The following ADAMTSL1 variants were observed in gnomAD, a reference collection of about 807,000 sequenced individuals.
ADAMTSL1 encodes the protein ADAMTS like 1, also known as ADAMTS-like protein 1.
A neutral mutation model predicts 201.8 loss-of-function variants in ADAMTSL1; 126 were observed. The ratio of observed to expected loss-of-function variants is 0.62; its 90% CI spans 0.54 to 0.72. ADAMTSL1 has a LOEUF of 0.72. Ranked by LOEUF, ADAMTSL1 falls within the 30% of genes least tolerant of loss-of-function variation. The pLI is 0.00. For synonymous variants in ADAMTSL1, 1,121 were observed against 903.4 expected (o/e 1.24, Z -4.32); for missense variants, 2,679 against 2,277.8 (o/e 1.18, Z -3.59).
chr9:18,278,805 A>C (rs997678307), intron 2 of ADAMTSL1, among the ~76,000 whole-genome samples: 1 of 151,986 alleles, frequency 6.6e-6, no homozygotes, highest in African/African-American at 2.4e-5. Context: ...TGACTTGCTT[A>C]GTGGTGTCTC....
intron 1 of ADAMTSL1, among the ~76,000 whole-genome samples, chr9:17,938,448 C>A (rs1352413093): frequency 6.6e-6 from 1 of 152,124 alleles, no homozygotes; most frequent in African/African-American, 2.4e-5. Context: ...ACTGTCCATC[C>A]TCATGCCAAG....
chr9:18,382,830 TC>T (rs751750064), intron 2 of ADAMTSL1, among the ~76,000 whole-genome samples: 1 of 152,270 alleles, frequency 6.6e-6, no homozygotes, highest in Middle Eastern at 3.4e-3. Context: ...TGAACAATGC[TC>T]ATTATAACAC....
At chr9:18,383,264 TC>T (rs1192504939) in intron 2 of ADAMTSL1, among the ~76,000 whole-genome samples, 1 of 152,194 alleles carries the variant, frequency 6.6e-6, no homozygotes, top group African/African-American at 2.4e-5. Flanking sequence ...CCCTGACTCT[TC>T]AGGGAGTTTT....
At chr9:18,302,191 T>C (rs1413752233) in intron 2 of ADAMTSL1, among the ~76,000 whole-genome samples, 1 of 152,052 alleles carries the variant, frequency 6.6e-6, no homozygotes, top group Non-Finnish European at 1.5e-5. Flanking sequence ...AGGATAGAAT[T>C]TGGGAAAGGA....
At chr9:18,367,745 A>G (rs1836837680) in intron 2 of ADAMTSL1, among the ~76,000 whole-genome samples, 1 of 152,168 alleles carries the variant, frequency 6.6e-6, no homozygotes, top group African/African-American at 2.4e-5. Flanking sequence ...TTTTAGGCAC[A>G]GAATTACACA....
chr9:18,308,432 T>G (rs1587520007), intron 2 of ADAMTSL1, among the ~76,000 whole-genome samples: 1 of 151,912 alleles, frequency 6.6e-6, no homozygotes, highest in East Asian at 1.9e-4. Context: ...ATCAACCAAG[T>G]AGACCACTGG....
chr9:18,209,277 A>C (rs920855201), intron 2 of ADAMTSL1, among the ~76,000 whole-genome samples: 1 of 151,648 alleles, frequency 6.6e-6, no homozygotes, highest in African/African-American at 2.4e-5. Context: ...GAAAGAACCC[A>C]TTTGGGTTTA....
At chr9:18,255,334 A>G (rs370004084) in intron 2 of ADAMTSL1, among the ~76,000 whole-genome samples, 11 of 151,658 alleles carry the variant, frequency 7.3e-5, no homozygotes, top group South Asian at 2.1e-4. Context: ...TCTTTAAATC[A>G]TGTGTGTATG....
At chr9:18,474,064 C>G (rs898313331), upstream of ADAMTSL1, 2 of 581,544 alleles carry the variant, frequency 3.4e-6, no homozygotes, top group Non-Finnish European at 6.1e-6. Flanking sequence ...ATTCAGCTTA[C>G]CCCCCACCCA....
chr9:18,815,740 A>G (rs1011946622), intron 20 of ADAMTSL1, among the ~76,000 whole-genome samples: 157 of 150,214 alleles, frequency 1.0e-3, no homozygotes, highest in African/African-American at 3.5e-3. Context: ...AAAAAAGAGA[A>G]AAAAAAAAGA....
At chr9:17,983,276 A>G (rs924423540) in intron 1 of ADAMTSL1, among the ~76,000 whole-genome samples, 1 of 151,662 alleles carries the variant, frequency 6.6e-6, no homozygotes, top group Non-Finnish European at 1.5e-5. Context: ...TCACCATGTT[A>G]GCCAGGATGG....
chr9:18,270,265 A>G (rs965042738), intron 2 of ADAMTSL1, among the ~76,000 whole-genome samples: 1 of 152,118 alleles, frequency 6.6e-6, no homozygotes, highest in East Asian at 1.9e-4. Context: ...TTATAAGGAC[A>G]TGAATCTCAT....
intron 2 of ADAMTSL1, among the ~76,000 whole-genome samples, chr9:18,227,549 C>G (rs757572197): frequency 6.6e-6 from 1 of 152,168 alleles, no homozygotes; most frequent in South Asian, 2.1e-4. Flanking sequence ...GCCTAGCTTA[C>G]ATACATCTAG....
chr9:18,658,414 T>A (rs1402095907), intron 8 of ADAMTSL1, among the ~76,000 whole-genome samples: 2 of 152,230 alleles, frequency 1.3e-5, no homozygotes, highest in African/African-American at 4.8e-5. Flanking sequence ...AGTAAAGTCA[T>A]CTATTTAGCA....
intron 10 of ADAMTSL1, among the ~76,000 whole-genome samples, chr9:18,677,638 T>A (rs1448160490): frequency 6.6e-6 from 1 of 152,046 alleles, no homozygotes; most frequent in African/African-American, 2.4e-5. Context: ...TTCTCTGGCA[T>A]AACTAATGCC....
chr9:18,822,121 GT>G (rs1824249310), intron 21 of ADAMTSL1, among the ~76,000 whole-genome samples: 1 of 152,130 alleles, frequency 6.6e-6, no homozygotes, highest in South Asian at 2.1e-4. Flanking sequence ...TACCAGGGAG[GT>G]TAGCATGTGG....
At chr9:18,628,117 AT>A (rs1202251629) in intron 5 of ADAMTSL1, among the ~76,000 whole-genome samples, 5 of 151,928 alleles carry the variant, frequency 3.3e-5, no homozygotes, top group Admixed American at 1.3e-4. Context: ...CCACGCTATC[AT>A]TTTTTTTCTT....
In ADAMTSL1 at chr9:18,300,705, A is replaced by C. The variant is rs563533257; in HGVS notation, c.207+136724A>C. On this transcript the variant is annotated intron_variant, in intron 2 of 29. Coordinates refer to the ADAMTSL1 transcript ENST00000680146. Reference sequence around the variant, plus strand: ...GGGAGTGAAAAACGACATGAGATCTAGTGAGCAGGAAATTTAATACAGGAA... The same window carrying C: ...GGGAGTGAAAAACGACATGAGATCTCGTGAGCAGGAAATTTAATACAGGAA... 3.3e-5 allele frequency among the ~76,000 whole-genome samples: 5 copies of C among 152,294 alleles called. No individual in the cohort carries two copies. The South Asian group carries it at 8.3e-4, about 25-fold the overall frequency.
At chr9:18,267,816 T>C (rs1236602693) in intron 2 of ADAMTSL1, among the ~76,000 whole-genome samples, 2 of 141,558 alleles carry the variant, frequency 1.4e-5, no homozygotes, top group African/African-American at 5.6e-5. Flanking sequence ...GAAAAGACAC[T>C]GAGCCCAGAA....
Sources: gnomAD v4.1 joint callset for allele counts (sites outside exome capture counted in the v4.1 genomes callset) on GRCh38, gnomAD v4.1.1 for gene constraint, MANE v1.5 for transcripts, NCBI Gene and HGNC (gene_info 2026-07-23, HGNC 2026-07-21) for gene names.